The following TMEM223 variants were observed in gnomAD, a reference collection of about 807,000 sequenced individuals.
The protein encoded by TMEM223 is transmembrane protein 223.
In TMEM223, 14 loss-of-function variants were observed where a neutral mutation model predicts 14.1. The observed-to-expected ratio is 0.99, with a 90% CI of 0.66 to 1.55. The LOEUF (loss-of-function observed/expected upper bound fraction) is 1.55. Among genes scored for constraint, TMEM223 ranks in the 40% most tolerant of loss-of-function variants. TMEM223 has a pLI of 0.00. For synonymous variants in TMEM223, 145 were observed against 120.5 expected, an observed-to-expected ratio of 1.20 and a Z score of -1.33; for missense variants, 346 against 269.9, an observed-to-expected ratio of 1.28 and a Z score of -1.97.
downstream of TMEM223, among the ~76,000 whole-genome samples, chr11:62,785,482 G>A (rs1200552098): frequency 1.3e-5 from 2 of 151,374 alleles, no homozygotes; most frequent in African/African-American, 4.8e-5. Context: ...GTGAGCCACA[G>A]CGCCCGGCTG....
intron 2 of TMEM223, among the ~76,000 whole-genome samples, chr11:62,773,102 A>G (rs1274810826): frequency 2.0e-5 from 3 of 150,792 alleles, no homozygotes; most frequent in African/African-American, 4.9e-5. Context: ...CGGCCTCCCA[A>G]AGTGCTGGGA....
chr11:62,773,728 G>A (rs1444372302), intron 2 of TMEM223, among the ~76,000 whole-genome samples: 3 of 152,294 alleles, frequency 2.0e-5, no homozygotes, highest in Middle Eastern at 6.8e-3. Context: ...GATTAGAGGC[G>A]TGAGCCACTG....
At chr11:62,771,854 G>C (rs1469542728) in exon 3 of TMEM223, 5 of 302,720 alleles carry the variant, frequency 1.7e-5, no homozygotes, top group Non-Finnish European at 3.3e-5. Flanking sequence ...TTTCGCGCTG[G>C]TGGACTAAAT....
At chr11:62,777,012 C>T (rs1350720552) in intron 1 of TMEM223, among the ~76,000 whole-genome samples, 3 of 151,560 alleles carry the variant, frequency 2.0e-5, no homozygotes, top group Admixed American at 1.3e-4. Context: ...CTGGCCGTGG[C>T]GGTGGGCGCC....
rs374487931 is a variant in TMEM223 at position 62,776,516 on chromosome 11, C to T, written c.315-1851G>A. The T allele has an allele frequency of 4.3e-5, 68 of 1,581,918 alleles. No homozygotes were observed. In the African/African-American group the frequency reaches 5.9e-4, roughly 14 times the overall value. The stretch of plus-strand genomic sequence containing the variant: ...AGAGGGCTCAGGTGGCATGAGGCCA[C>T]TTCCATGTCCAGTTCAGGGCTGGCG... On this transcript the variant is annotated intron_variant, in intron 1 of 2. Transcript: ENST00000528367.
chr11:62,783,385 G>A (rs1230151219), downstream of TMEM223, among the ~76,000 whole-genome samples: 12 of 152,002 alleles, frequency 7.9e-5, no homozygotes, highest in African/African-American at 2.4e-5. Flanking sequence ...GGGAGGCTGA[G>A]GCAGGAGAAT....
chr11:62,786,454 G>C, downstream of TMEM223: 2 of 1,595,460 alleles, frequency 1.3e-6, no homozygotes, highest in South Asian at 1.1e-5. Context: ...GGCTTACTTT[G>C]GAATATTTGA....
At position 62,790,525 on chromosome 11, in the gene TMEM223, G is replaced by A; in HGVS notation, c.*98C>T. 1.7e-6 allele frequency: 2 copies of A among 1,164,270 alleles called. No individual in the cohort carries two copies. Among genetic ancestry groups the A allele is most frequent in the Non-Finnish European group, 2.4e-6 (2 of 837,346 alleles). The allele number at this position is 1,164,270 out of a possible 1,614,324, so 72.1% of individuals were successfully genotyped here. ...AGTGCTCCTGCCTCACCCTCCCAAA[G>A]TGCTGGGATTACAACAGGTGTGAAC... On this transcript the variant is annotated 3_prime_UTR_variant, in exon 2 of 2. Coordinates refer to ENST00000307366, the MANE Select transcript of TMEM223 (RefSeq NM_001080501.3).
At chr11:62,787,010 A>T, downstream of TMEM223, 1 of 1,486,738 alleles carries the variant, frequency 6.7e-7, no homozygotes, top group African/African-American at 1.5e-5. Flanking sequence ...CCGCGCGTGC[A>T]TCGGGCGCGC....
At chr11:62,771,605 A>G, downstream of TMEM223, 1 of 167,824 alleles carries the variant, frequency 6.0e-6, no homozygotes, top group Non-Finnish European at 1.3e-5. Context: ...CACGTGACCC[A>G]AGTTCAGTGA....
downstream of TMEM223, chr11:62,789,481 G>C (rs1197844829): frequency 5.0e-6 from 8 of 1,610,804 alleles, no homozygotes; most frequent in Non-Finnish European, 6.8e-6. Flanking sequence ...CCTCTGCAGC[G>C]GGGTCCTATA....
At chr11:62,776,480 G>T in intron 1 of TMEM223, 1 of 1,613,084 alleles carries the variant, frequency 6.2e-7, no homozygotes, top group Non-Finnish European at 8.5e-7. Flanking sequence ...GGTGAGTGGG[G>T]TGCAGGCTAC....
At chr11:62,787,723 C>G (rs2084304499), downstream of TMEM223, 1 of 730,674 alleles carries the variant, frequency 1.4e-6, no homozygotes, top group Middle Eastern at 2.8e-4. Context: ...GGTCATACTT[C>G]GAAGTTGTCC....
downstream of TMEM223, chr11:62,787,581 G>T: frequency 6.8e-7 from 1 of 1,465,900 alleles, no homozygotes; most frequent in South Asian, 1.4e-5. Context: ...GTCTGGACAT[G>T]GCGAGGCCAC....
exon 3 of TMEM223, chr11:62,772,005 T>A (rs1395203875): frequency 2.3e-6 from 1 of 427,478 alleles, no homozygotes; most frequent in African/African-American, 2.1e-5. Flanking sequence ...GGCTCCTGAA[T>A]GCGGTATAGA....
chr11:62,785,141 C>T (rs1393420883), downstream of TMEM223, among the ~76,000 whole-genome samples: 2 of 148,788 alleles, frequency 1.3e-5, no homozygotes, highest in Non-Finnish European at 3.0e-5. Flanking sequence ...CCTCGCCTAT[C>T]TTTTTCTTGA....
At chr11:62,787,359 G>C (rs1489134462), downstream of TMEM223, 1 of 1,537,824 alleles carries the variant, frequency 6.5e-7, no homozygotes, top group Non-Finnish European at 8.7e-7. Flanking sequence ...CTCCACCTTC[G>C]TGGGTCGCGC....
chr11:62,786,453 T>C (rs2084276622), downstream of TMEM223: 4 of 1,595,634 alleles, frequency 2.5e-6, no homozygotes, highest in Non-Finnish European at 3.4e-6. Flanking sequence ...AGGCTTACTT[T>C]GGAATATTTG....
chr11:62,782,456 G>A (rs1475910473), intron 1 of TMEM223: 1 of 1,144,022 alleles, frequency 8.7e-7, no homozygotes, highest in Non-Finnish European at 1.2e-6. Context: ...TTTTCCCTAG[G>A]AGCGTCCTAG....
Sources: gnomAD v4.1 joint callset for allele counts (sites outside exome capture counted in the v4.1 genomes callset) on GRCh38, gnomAD v4.1.1 for gene constraint, MANE v1.5 for transcripts, NCBI Gene and HGNC (gene_info 2026-07-23, HGNC 2026-07-21) for gene names.